RAPGEF5: variants seen among roughly 807,000 people sequenced by gnomAD.
RAPGEF5 encodes the protein M-Ras-regulated GEF.
RAPGEF5 carries 65 observed loss-of-function variants against 125.2 expected under a neutral mutation model. The ratio of observed to expected loss-of-function variants is 0.52; its 90% CI spans 0.43 to 0.64. RAPGEF5 has a LOEUF of 0.64. RAPGEF5 is among the 30% of genes least tolerant of loss of function. RAPGEF5 has a pLI of 0.00. For missense variants in RAPGEF5, 958 were observed against 1,048.1 expected (o/e 0.91, Z 1.19); for synonymous variants, 391 against 385.9 (o/e 1.01, Z -0.16).
chr7:22,133,326 T>A (rs945802601), intron 23 of RAPGEF5, among the ~76,000 whole-genome samples: 1 of 152,082 alleles, frequency 6.6e-6, no homozygotes, highest in African/African-American at 2.4e-5. Context: ...CAGGTTTCGA[T>A]GCAGTTGAAT....
At chr7:22,340,899 C>T (rs1052542049) in intron 1 of RAPGEF5, among the ~76,000 whole-genome samples, 1 of 152,142 alleles carries the variant, frequency 6.6e-6, no homozygotes, top group Non-Finnish European at 1.5e-5. Flanking sequence ...GGAGAAATGA[C>T]CAGAAAGAAG....
At chr7:22,355,186 A>C (rs1364169548) in intron 1 of RAPGEF5, among the ~76,000 whole-genome samples, 1 of 152,260 alleles carries the variant, frequency 6.6e-6, no homozygotes, top group African/African-American at 2.4e-5. Context: ...AAAGAGGGTT[A>C]ATAAAGCATA....
Position 22,257,897 on chromosome 7 carries a change from G to C in RAPGEF5, c.796+9067C>G, listed in dbSNP as rs574111501. Among the ~76,000 whole-genome samples the C allele has an allele frequency of 3.3e-5, 5 of 152,190 alleles. No homozygotes were observed. In the South Asian group the frequency reaches 1.0e-3, roughly 32 times the overall value. On this transcript the variant is annotated intron_variant, in intron 7 of 25. Coordinates refer to ENST00000665637, the MANE Select transcript of RAPGEF5 (RefSeq NM_012294.5). ...TTAATTAAAGTCAGGGGCAAAATAA[G>C]AATGACAACTATCATTGATATTATT...
At chr7:22,266,366 T>G (rs1280258220) in intron 7 of RAPGEF5, among the ~76,000 whole-genome samples, 4 of 152,332 alleles carry the variant, frequency 2.6e-5, no homozygotes, top group African/African-American at 9.6e-5. Context: ...AGTCTCCATT[T>G]CATATTGAAT....
Position 22,145,185 on chromosome 7 carries a change from C to A in RAPGEF5, c.2045G>T (p.Ser682Ile), listed in dbSNP as rs1396956695. The A allele has an allele frequency of 6.2e-7, 1 of 1,613,192 alleles. No homozygotes were observed. Among genetic ancestry groups the A allele is most frequent in the Admixed American group, 1.7e-5 (1 of 59,950 alleles). ...LIYFTFSRQG[S>I]GEHTANLSLL... The stretch of plus-strand genomic sequence containing the variant: ...GCTGAGATTTGCAGTGTGTTCCCCA[C>A]TTCCCTGTCTGCTGAACGTGAAGTA... Residue 682 changes from serine (S) to isoleucine (I), a missense_variant, in exon 20 of 26, where the codon AGT (serine) becomes ATT (isoleucine). By Grantham distance (142) the Ser-to-Ile change is moderately radical. Transcript: ENST00000665637.
chr7:22,223,473 C>T (rs987531496), intron 8 of RAPGEF5, among the ~76,000 whole-genome samples: 2 of 152,152 alleles, frequency 1.3e-5, no homozygotes, highest in Non-Finnish European at 2.9e-5. Context: ...AGAAATGAGG[C>T]ATTAGCTGAA....
chr7:22,306,743 T>C (rs926824438), intron 5 of RAPGEF5, among the ~76,000 whole-genome samples: 1 of 152,148 alleles, frequency 6.6e-6, no homozygotes, highest in African/African-American at 2.4e-5. Flanking sequence ...TGGTGAGAGA[T>C]AGGGGTCTAG....
intron 9 of RAPGEF5, among the ~76,000 whole-genome samples, chr7:22,211,961 CTCTT>C (rs1562763788): frequency 9.9e-6 from 1 of 100,942 alleles, no homozygotes; most frequent in African/African-American, 4.3e-5. Flanking sequence ...CACATGTGTT[CTCTT>C]TTTTTTTTTT....
intron 12 of RAPGEF5, among the ~76,000 whole-genome samples, chr7:22,166,554 A>G (rs2128114584): frequency 6.6e-6 from 1 of 152,370 alleles, no homozygotes; most frequent in Admixed American, 6.5e-5. Flanking sequence ...GAGAGCATGC[A>G]GTGACAAAGC....
At chr7:22,282,697 G>C (rs1782701617) in intron 6 of RAPGEF5, among the ~76,000 whole-genome samples, 1 of 152,148 alleles carries the variant, frequency 6.6e-6, no homozygotes, top group African/African-American at 2.4e-5. Context: ...CCTGTGCAAG[G>C]TAAGAACTCA....
At chr7:22,219,541 T>C (rs149796963) in intron 9 of RAPGEF5, among the ~76,000 whole-genome samples, 232 of 151,864 alleles carry the variant, frequency 1.5e-3, no homozygotes, top group African/African-American at 4.9e-3. Context: ...ACAAACTATA[T>C]GATAAGGCAA....
intron 6 of RAPGEF5, among the ~76,000 whole-genome samples, chr7:22,271,823 T>C (rs1039014967): frequency 7.9e-5 from 12 of 152,082 alleles, no homozygotes; most frequent in Admixed American, 5.2e-4. Flanking sequence ...AGAATCAGAG[T>C]CAGTCTTATG....
intron 11 of RAPGEF5, chr7:22,192,342 A>C (rs1005938247): frequency 1.3e-5 from 2 of 152,252 alleles, no homozygotes; most frequent in African/African-American, 4.8e-5. Flanking sequence ...TTGCCCACTT[A>C]TGTATTTCAC....
intron 5 of RAPGEF5, among the ~76,000 whole-genome samples, chr7:22,304,263 C>G (rs7801771): frequency 6.6e-6 from 1 of 152,066 alleles, no homozygotes; most frequent in Non-Finnish European, 1.5e-5. Context: ...TACTTTAGAA[C>G]AGACAGGTCC....
At chr7:22,183,372 T>C (rs893381396) in intron 11 of RAPGEF5, among the ~76,000 whole-genome samples, 2 of 151,884 alleles carry the variant, frequency 1.3e-5, no homozygotes, top group African/African-American at 4.8e-5. Context: ...TACATACTTA[T>C]GGCAACTCTC....
intron 5 of RAPGEF5, among the ~76,000 whole-genome samples, chr7:22,305,699 C>T (rs980735524): frequency 5.9e-5 from 9 of 152,166 alleles, no homozygotes; most frequent in Non-Finnish European, 8.8e-5. Context: ...CACACCTCCC[C>T]ACTAGTCCCC....
At chr7:22,354,343 C>T (rs950879966) in intron 1 of RAPGEF5, among the ~76,000 whole-genome samples, 2 of 152,170 alleles carry the variant, frequency 1.3e-5, no homozygotes, top group African/African-American at 4.8e-5. Context: ...TGAAGTCACG[C>T]AGCTCCAGTC....
chr7:22,159,282 T>C (rs1157136151), intron 14 of RAPGEF5, among the ~76,000 whole-genome samples: 2 of 152,246 alleles, frequency 1.3e-5, no homozygotes, highest in Admixed American at 1.3e-4. Context: ...TAAGGTACAG[T>C]GCTAACTTGC....
rs1466362551 is a variant in RAPGEF5, at chr7:22,118,848, C to CAGT, written c.*3555_*3557dup. 6.6e-6 allele frequency: 1 copy of CAGT among 152,582 alleles called. No homozygotes were observed. Among genetic ancestry groups the CAGT allele is most frequent in the Non-Finnish European group, 1.5e-5 (1 of 68,032 alleles). 9.5% of individuals were successfully genotyped at this position (152,582 alleles called of 1,614,324 possible). ...TTAGTATATACAGCTTTGCTTTATA[C>CAGT]AGTAATACATTTGCATCTAACTTTT... On this transcript the variant is annotated 3_prime_UTR_variant, in exon 26 of 26. Transcript: ENST00000665637.
Sources: allele counts gnomAD v4.1 joint callset (sites outside exome capture counted in the v4.1 genomes callset), GRCh38; gene constraint gnomAD v4.1.1; transcripts MANE v1.5; gene names NCBI Gene and HGNC (gene_info 2026-07-23, HGNC 2026-07-21).